The following ADARB2 variants were observed in gnomAD, a reference collection of about 807,000 sequenced individuals.
The protein encoded by ADARB2 is adenosine deaminase RNA specific B2 (inactive), also known as inactive double-stranded RNA-specific editase B2.
ADARB2 carries 25 observed loss-of-function variants against 62.2 expected under a neutral mutation model. The observed-to-expected ratio is 0.40, with a 90% confidence interval of 0.29 to 0.56. The LOEUF (loss-of-function observed/expected upper bound fraction) is 0.56, where lower values mean the gene tolerates loss of function less well. Ranked by LOEUF, ADARB2 falls within the 20% of genes least tolerant of loss-of-function variation. ADARB2 has a pLI of 0.43. For synonymous variants in ADARB2, 572 were observed against 500.8 expected, an observed-to-expected ratio of 1.14 and a Z score of -1.90; for missense variants, 1,071 against 1,077.4, an observed-to-expected ratio of 0.99 and a Z score of 0.08.
intron 1 of ADARB2, among the ~76,000 whole-genome samples, chr10:1,664,162 G>A (rs942402956): frequency 4.1e-4 from 63 of 152,124 alleles, no homozygotes; most frequent in African/African-American, 1.3e-3. Flanking sequence ...CTGTGTGCCC[G>A]TGTTTCTGTG....
chr10:1,342,010 A>G (rs1240491174), intron 3 of ADARB2, among the ~76,000 whole-genome samples: 1 of 152,224 alleles, frequency 6.6e-6, no homozygotes, highest in African/African-American at 2.4e-5. Flanking sequence ...CTCATTGATC[A>G]TGGTATTGCT....
chr10:1,722,467 G>A (rs1351387087), intron 1 of ADARB2, among the ~76,000 whole-genome samples: 2 of 152,196 alleles, frequency 1.3e-5, no homozygotes, highest in Non-Finnish European at 2.9e-5. Context: ...ACACACAGGG[G>A]CACACAAGGG....
chr10:1,404,383 C>T (rs1202151887), intron 1 of ADARB2, among the ~76,000 whole-genome samples: 2 of 152,244 alleles, frequency 1.3e-5, no homozygotes, highest in East Asian at 3.9e-4. Context: ...AGATGCCCCT[C>T]AGTGCCCAGC....
chr10:1,638,368 C>T (rs944800597), intron 1 of ADARB2, among the ~76,000 whole-genome samples: 3 of 152,148 alleles, frequency 2.0e-5, no homozygotes, highest in Admixed American at 2.0e-4. Flanking sequence ...AACTTGATGT[C>T]ACATATATCT....
intron 1 of ADARB2, 41 bp from the exon 2 acceptor site, chr10:1,379,201 T>A (rs1341158049): frequency 2.0e-6 from 3 of 1,518,666 alleles, no homozygotes; most frequent in Non-Finnish European, 2.7e-6. Flanking sequence ...TGACATGGAG[T>A]TGCGGAAAAA....
chr10:1,648,600 G>A (rs1834073788), intron 1 of ADARB2, among the ~76,000 whole-genome samples: 2 of 152,098 alleles, frequency 1.3e-5, no homozygotes, highest in South Asian at 4.1e-4. Context: ...ACGTATAAGC[G>A]ATCAAGAGAC....
At chr10:1,328,024 G>A (rs1364396412) in intron 3 of ADARB2, among the ~76,000 whole-genome samples, 2 of 65,490 alleles carry the variant, frequency 3.1e-5, no homozygotes, top group East Asian at 3.5e-4. Flanking sequence ...CTGGGGGCAC[G>A]GATTGCAGGG....
chr10:1,195,980 G>A (rs117828762), intron 8 of ADARB2, among the ~76,000 whole-genome samples: 1,830 of 152,228 alleles, frequency 0.012, 17 homozygotes, highest in Middle Eastern at 0.027. Context: ...CCCTTGGTGA[G>A]AAGGGAGAGG....
intron 3 of ADARB2, among the ~76,000 whole-genome samples, chr10:1,360,732 G>A (rs896122232): frequency 2.0e-5 from 3 of 152,330 alleles, no homozygotes; most frequent in Admixed American, 1.3e-4. Context: ...CGAAACCCTC[G>A]CGCTGCTCTG....
intron 3 of ADARB2, among the ~76,000 whole-genome samples, chr10:1,319,525 T>A (rs962983737): frequency 1.3e-5 from 2 of 152,232 alleles, no homozygotes. Flanking sequence ...ATAATAGCTA[T>A]GGATTAGCAA....
intron 3 of ADARB2, among the ~76,000 whole-genome samples, chr10:1,347,000 T>G (rs1158696701): frequency 6.6e-6 from 1 of 152,270 alleles, no homozygotes; most frequent in Non-Finnish European, 1.5e-5. Context: ...TGTTGACCTA[T>G]GGACATCTTA....
At chr10:1,570,471 G>A (rs1832920514) in intron 1 of ADARB2, among the ~76,000 whole-genome samples, 1 of 152,180 alleles carries the variant, frequency 6.6e-6, no homozygotes, top group Non-Finnish European at 1.5e-5. Context: ...TCACCGCACG[G>A]CAGGAAAGGC....
At chr10:1,482,258 G>A (rs1371409481) in intron 1 of ADARB2, among the ~76,000 whole-genome samples, 1 of 152,144 alleles carries the variant, frequency 6.6e-6, no homozygotes, top group Non-Finnish European at 1.5e-5. Flanking sequence ...TTGAAAGTGG[G>A]GCTAGAATGG....
intron 3 of ADARB2, among the ~76,000 whole-genome samples, chr10:1,282,762 T>C (rs1454486891): frequency 6.6e-6 from 1 of 152,174 alleles, no homozygotes; most frequent in African/African-American, 2.4e-5. Context: ...CAGAATATGC[T>C]CATGGGCCTG....
chr10:1,208,841 A>G (rs1837104470), intron 7 of ADARB2, among the ~76,000 whole-genome samples: 1 of 152,206 alleles, frequency 6.6e-6, no homozygotes, highest in Admixed American at 6.5e-5. Context: ...CAAGATGGTC[A>G]CAGACCATTG....
chr10:1,653,858 G>A (rs113797742), intron 1 of ADARB2, among the ~76,000 whole-genome samples: 3,202 of 152,232 alleles, frequency 0.021, 50 homozygotes, highest in South Asian at 0.065. Context: ...TTATTAATGG[G>A]GTTTTCAGCA....
chr10:1,261,223 C>A (rs1217953514), intron 4 of ADARB2, among the ~76,000 whole-genome samples: 1 of 149,956 alleles, frequency 6.7e-6, no homozygotes, highest in Non-Finnish European at 1.5e-5. Flanking sequence ...TGGGCATCAC[C>A]ATTCAGGACA....
intron 1 of ADARB2, among the ~76,000 whole-genome samples, chr10:1,558,549 C>A (rs554579692): frequency 7.7e-6 from 1 of 129,718 alleles, no homozygotes; most frequent in African/African-American, 2.9e-5. Context: ...TCAGCCCCCA[C>A]GCACCCCATC....
intron 1 of ADARB2, among the ~76,000 whole-genome samples, chr10:1,474,410 A>C (rs183902153): frequency 7.9e-5 from 12 of 152,168 alleles, no homozygotes; most frequent in Non-Finnish European, 1.3e-4. Context: ...CCCGGTCTAC[A>C]TTGGGGGTCA....
Sources: allele counts gnomAD v4.1 joint callset (sites outside exome capture counted in the v4.1 genomes callset), GRCh38; gene constraint gnomAD v4.1.1; transcripts MANE v1.5; gene names NCBI Gene and HGNC (gene_info 2026-07-23, HGNC 2026-07-21).